MAST4: variants seen among roughly 807,000 people sequenced by gnomAD.
MAST4 encodes microtubule-associated serine/threonine-protein kinase 4.
Under a neutral mutation model 162.7 loss-of-function variants are expected in MAST4, and 89 were observed. The observed-to-expected ratio is 0.55, with a 90% CI of 0.46 to 0.65. MAST4 has a LOEUF of 0.65. Among genes scored for constraint, MAST4 ranks in the 30% least tolerant of loss-of-function variants. The pLI is 0.00. For missense variants in MAST4, 3,153 were observed against 3,374.0 expected, an observed-to-expected ratio of 0.93 and a Z score of 1.62; for synonymous variants, 1,479 against 1,361.1, an observed-to-expected ratio of 1.09 and a Z score of -1.91.
intron 4 of MAST4, among the ~76,000 whole-genome samples, chr5:66,923,653 A>G (rs1343862814): frequency 6.6e-6 from 1 of 152,132 alleles, no homozygotes. Context: ...AACCAAACTC[A>G]TGCTTCTTCT....
At chr5:67,106,684 T>C (rs950686023) in intron 10 of MAST4, among the ~76,000 whole-genome samples, 1 of 152,216 alleles carries the variant, frequency 6.6e-6, no homozygotes, top group African/African-American at 2.4e-5. Context: ...TTATTGGCTC[T>C]ATCTTGCCCA....
chr5:66,726,814 T>G (rs1751551622), intron 1 of MAST4, among the ~76,000 whole-genome samples: 1 of 152,022 alleles, frequency 6.6e-6, no homozygotes, highest in African/African-American at 2.4e-5. Flanking sequence ...GGGATCTAGG[T>G]TGTGTGCTCC....
chr5:66,842,051 T>C (rs1272350559), intron 3 of MAST4, among the ~76,000 whole-genome samples: 1 of 152,220 alleles, frequency 6.6e-6, no homozygotes, highest in Non-Finnish European at 1.5e-5. Flanking sequence ...AGGCATGATA[T>C]ATTAATAAGG....
At chr5:66,652,585 A>C (rs185412964) in intron 1 of MAST4, among the ~76,000 whole-genome samples, 166 of 152,310 alleles carry the variant, frequency 1.1e-3, no homozygotes, top group Middle Eastern at 3.4e-3. Flanking sequence ...CTATCTACCT[A>C]AATATCCATG....
intron 23 of MAST4, 145 bp from the exon 24 acceptor site, chr5:67,149,244 G>C (rs139677811): frequency 1.5e-6 from 1 of 673,874 alleles, no homozygotes; most frequent in South Asian, 1.9e-5. Flanking sequence ...TGTTGTTAAT[G>C]TTCGCCTGAC....
At chr5:66,982,643 C>A (rs556097201) in intron 4 of MAST4, among the ~76,000 whole-genome samples, 2 of 152,308 alleles carry the variant, frequency 1.3e-5, no homozygotes, top group South Asian at 4.1e-4. Context: ...ATACCCTGGG[C>A]TGCCTTGGCT....
At chr5:66,924,823 T>TAC (rs1216259269) in intron 4 of MAST4, among the ~76,000 whole-genome samples, 1 of 152,222 alleles carries the variant, frequency 6.6e-6, no homozygotes, top group Non-Finnish European at 1.5e-5. Context: ...AAAGATAGTT[T>TAC]ACAAAGCAGA....
At chr5:66,772,104 G>A (rs1029405042) in intron 2 of MAST4, among the ~76,000 whole-genome samples, 16 of 152,280 alleles carry the variant, frequency 1.1e-4, no homozygotes, top group African/African-American at 2.6e-4. Context: ...AATTAACAGC[G>A]TGAAAGATTT....
intron 3 of MAST4, among the ~76,000 whole-genome samples, chr5:66,857,400 G>A (rs914715399): frequency 1.3e-5 from 2 of 152,200 alleles, no homozygotes; most frequent in African/African-American, 4.8e-5. Flanking sequence ...CTGTAGGTGA[G>A]TATGATTGTA....
At chr5:66,835,403 C>T (rs1186744021) in intron 3 of MAST4, among the ~76,000 whole-genome samples, 5 of 152,068 alleles carry the variant, frequency 3.3e-5, no homozygotes, top group Admixed American at 6.5e-5. Flanking sequence ...ATAAAATTAG[C>T]CACCACTTCA....
At chr5:67,160,144 G>A (rs1773020970) in intron 26 of MAST4, among the ~76,000 whole-genome samples, 1 of 152,162 alleles carries the variant, frequency 6.6e-6, no homozygotes, top group Non-Finnish European at 1.5e-5. Context: ...CAGGAGATAG[G>A]TAGGATTATA....
chr5:66,668,717 T>A (rs778406028), intron 1 of MAST4, among the ~76,000 whole-genome samples: 4 of 152,244 alleles, frequency 2.6e-5, no homozygotes, highest in Admixed American at 1.3e-4. Context: ...TGGTTTGGTA[T>A]AATTTTGTTT....
chr5:66,691,148 A>G (rs188930761), intron 1 of MAST4, among the ~76,000 whole-genome samples: 21 of 152,322 alleles, frequency 1.4e-4, no homozygotes, highest in African/African-American at 4.8e-4. Context: ...CTTGTCAGTC[A>G]TTAGACTAGA....
chr5:66,867,925 AG>A (rs1046562009), intron 3 of MAST4, among the ~76,000 whole-genome samples: 14 of 152,362 alleles, frequency 9.2e-5, no homozygotes, highest in African/African-American at 3.1e-4. Context: ...CAGAGTCTGA[AG>A]GCTGTCATTT....
intron 1 of MAST4, among the ~76,000 whole-genome samples, chr5:66,687,893 G>T (rs1449456364): frequency 1.3e-5 from 2 of 152,172 alleles, no homozygotes; most frequent in African/African-American, 4.8e-5. Flanking sequence ...ATGACTTGAT[G>T]TTAAGTTCAA....
intron 1 of MAST4, among the ~76,000 whole-genome samples, chr5:66,606,418 AG>A (rs1385305053): frequency 5.3e-5 from 8 of 152,220 alleles, no homozygotes; most frequent in Non-Finnish European, 7.3e-5. Flanking sequence ...TCTGGCCATC[AG>A]TCATCTTTGA....
rs1425467335 is a variant in MAST4, at chr5:66,815,783, C to T, written c.642+26989C>T. ...CAGGATACATACATCCTTTTGAATC[C>T]AGTTTTCTTTAGAGGACAGTTGAAG... On this transcript the variant is annotated intron_variant, in intron 3 of 28. Transcript: ENST00000403625. Among the ~76,000 whole-genome samples the T allele has an allele frequency of 4.6e-5, 7 of 152,098 alleles. No individual in the cohort carries two copies. In the East Asian group the frequency reaches 1.2e-3, roughly 25 times the overall value.
intron 1 of MAST4, among the ~76,000 whole-genome samples, chr5:66,645,354 A>G (rs988566453): frequency 2.0e-5 from 3 of 152,164 alleles, no homozygotes; most frequent in African/African-American, 7.2e-5. Context: ...GGCATTATAA[A>G]TTTTGTTCTT....
At chr5:66,970,718 G>T (rs1278360380) in intron 4 of MAST4, among the ~76,000 whole-genome samples, 1 of 152,244 alleles carries the variant, frequency 6.6e-6, no homozygotes, top group East Asian at 1.9e-4. Flanking sequence ...TTAGTGTCCA[G>T]CATTGATGGG....
Sources: allele counts gnomAD v4.1 joint callset (sites outside exome capture counted in the v4.1 genomes callset), GRCh38; gene constraint gnomAD v4.1.1; transcripts MANE v1.5; gene names NCBI Gene and HGNC (gene_info 2026-07-23, HGNC 2026-07-21).